Variants in VLDLR observed in about 807,000 individuals in gnomAD.
VLDLR encodes very low-density lipoprotein receptor.
VLDLR carries 81 observed loss-of-function variants against 112.7 expected under a neutral mutation model. The ratio of observed to expected loss-of-function variants is 0.72; its 90% CI spans 0.60 to 0.86. VLDLR has a LOEUF of 0.86. VLDLR is among the 40% of genes least tolerant of loss of function. VLDLR has a pLI of 0.00. For synonymous variants in VLDLR, 436 were observed against 384.8 expected, an observed-to-expected ratio of 1.13 and a Z score of -1.56; for missense variants, 1,237 against 1,099.4, an observed-to-expected ratio of 1.13 and a Z score of -1.77.
chr9:2,626,244 G>A (rs748732900), intron 1 of VLDLR, among the ~76,000 whole-genome samples: 56 of 152,252 alleles, frequency 3.7e-4, no homozygotes, highest in Non-Finnish European at 5.3e-4. Context: ...CATGAAATTC[G>A]TTTATATTTC....
chr9:2,645,106 G>A (rs1207831353), intron 9 of VLDLR, 24 bp downstream of exon 9: 2 of 1,613,946 alleles, frequency 1.2e-6, no homozygotes, highest in East Asian at 4.5e-5. Context: ...GACTGGTATG[G>A]CTGTTGTACC....
rs10967349 is a variant in VLDLR, at chr9:2,654,402, T to C, written c.*534T>C. ...GTATGAATGATATCTTTGACCTCAA[T>C]GGAGGTTTGCAAAGACTGAGTGTTC... On this transcript the variant is annotated 3_prime_UTR_variant, in exon 19 of 19. Coordinates refer to ENST00000382100, the MANE Select transcript of VLDLR (RefSeq NM_003383.5). The C allele has an allele frequency of 6.2e-3, 994 of 161,020 alleles. 8 individuals are homozygous for C. The highest frequency in any genetic ancestry group is 0.023 in the Middle Eastern group (7 of 304). The allele number at this position is 161,020 out of a possible 1,614,324, so 10.0% of individuals were successfully genotyped here. A position where few individuals can be genotyped will look rare whatever the true frequency, so the allele number is the denominator to read the frequency against.
chr9:2,631,953 G>C (rs554770238), intron 1 of VLDLR, among the ~76,000 whole-genome samples: 1 of 152,104 alleles, frequency 6.6e-6, no homozygotes, highest in East Asian at 1.9e-4. Flanking sequence ...AAGGCTCCCA[G>C]GAAAATAGGT....
intron 1 of VLDLR, among the ~76,000 whole-genome samples, chr9:2,626,826 T>G (rs1817112908): frequency 6.6e-6 from 1 of 152,206 alleles, no homozygotes; most frequent in Non-Finnish European, 1.5e-5. Flanking sequence ...TTGTTAGAAC[T>G]TAATAGTTCT....
chr9:2,628,330 T>C (rs573124846), intron 1 of VLDLR, among the ~76,000 whole-genome samples: 1 of 152,232 alleles, frequency 6.6e-6, no homozygotes, highest in African/African-American at 2.4e-5. Flanking sequence ...CTGAGCCCAC[T>C]CCTGGTGAAT....
At chr9:2,639,140 G>A (rs1277281372) in intron 2 of VLDLR, among the ~76,000 whole-genome samples, 3 of 152,218 alleles carry the variant, frequency 2.0e-5, no homozygotes, top group Non-Finnish European at 2.9e-5. Flanking sequence ...GTGGGTGGCT[G>A]AAACAACAGA....
chr9:2,642,039 C>T (rs898928004), intron 4 of VLDLR, among the ~76,000 whole-genome samples: 1 of 151,902 alleles, frequency 6.6e-6, no homozygotes, highest in African/African-American at 2.4e-5. Context: ...AAAGTCTACC[C>T]AACTGGTGAT....
At position 2,622,162 on chromosome 9, in the gene VLDLR, C is replaced by CACCATCCA. The variant is rs765173464; in HGVS notation, c.-28_-27insACCATCCA. ...GCGGAGCGAACGGCGGCGGCGGCGG[C>CACCATCCA]GGCGGCGGCACCATCCAGGCGGGCA... On this transcript the variant is annotated 5_prime_UTR_variant, in exon 1 of 19. Transcript: ENST00000382100. 4.0e-4 allele frequency: 594 copies of CACCATCCA among 1,476,420 alleles called. 3 individuals are homozygous for CACCATCCA. The South Asian group carries it at 4.4e-3, about 11-fold the overall frequency. The allele number at this position is 1,476,420 out of a possible 1,614,324, so 91.5% of individuals were successfully genotyped here.
chr9:2,649,482 C>A (rs1818222851), intron 14 of VLDLR, among the ~76,000 whole-genome samples: 1 of 152,190 alleles, frequency 6.6e-6, no homozygotes, highest in Admixed American at 6.5e-5. Context: ...ACCTCCGCCT[C>A]CTGTGTTCAA....
chr9:2,641,300 G>A (rs951500351), intron 3 of VLDLR, 77 bp from the exon 4 acceptor site: 122 of 1,607,324 alleles, frequency 7.6e-5, no homozygotes, highest in Middle Eastern at 3.3e-4. Context: ...AGGTATTAGC[G>A]CTTCCAGGCA....
Position 2,659,539 on chromosome 9 carries a change from G to C in VLDLR, c.*5671G>C, listed in dbSNP as rs993493798. 6.6e-6 allele frequency: 1 copy of C among 152,228 alleles called. No individual in the cohort carries two copies. Among genetic ancestry groups the C allele is most frequent in the Non-Finnish European group, 1.5e-5 (1 of 68,026 alleles). 9.4% of individuals were successfully genotyped at this position (152,228 alleles called of 1,614,324 possible). The stretch of plus-strand genomic sequence containing the variant: ...TAGATTGTTGGATTGCAAAGAAAAT[G>C]ATAAAGATTCCCTAAAGGAATTTAT... On this transcript the variant is annotated 3_prime_UTR_variant, in exon 19 of 19. Coordinates refer to ENST00000382100, the MANE Select transcript of VLDLR (RefSeq NM_003383.5).
rs1320778651 is a variant in VLDLR at position 2,635,536 on chromosome 9, G to C, written c.166G>C (p.Glu56Gln). Residue 56 changes from glutamate (E) to glutamine (Q), a missense_variant, in exon 2 of 19, where the codon GAA (glutamate) becomes CAA (glutamine). Transcript: ENST00000382100. ...ITLLWKCDGD[E>Q]DCVDGSDEKN... The stretch of plus-strand genomic sequence containing the variant: ...GCTGTTGTGGAAATGTGATGGGGAT[G>C]AAGACTGTGTTGACGGCAGTGATGA... The C allele has an allele frequency of 6.2e-7, 1 of 1,614,174 alleles. No homozygotes were observed. The highest frequency in any genetic ancestry group is 1.1e-5 in the South Asian group (1 of 91,090).
At position 2,653,872 on chromosome 9, in the gene VLDLR, C is replaced by G. The variant is rs755204149; in HGVS notation, c.*4C>G. 4 of 1,613,886 alleles carry G rather than the reference C, an allele frequency of 2.5e-6. No homozygotes were observed. The South Asian group carries it at 4.4e-5, about 18-fold the overall frequency. On this transcript the variant is annotated 3_prime_UTR_variant, in exon 19 of 19. Transcript: ENST00000382100. ...CACAGATGATGATCTAGCTTGACTT[C>G]TGTGACAAATGTTGACCTTTGAGGT... is the stretch of plus-strand genomic sequence containing the variant.
At chr9:2,635,383 T>C in intron 1 of VLDLR, 70 bp from the exon 2 acceptor site, 10 of 1,609,852 alleles carry the variant, frequency 6.2e-6, no homozygotes, top group Non-Finnish European at 8.5e-6. Context: ...AAGGTCCCCA[T>C]CCATGGGTAT....
chr9:2,638,942 G>A (rs1817715232), intron 2 of VLDLR, among the ~76,000 whole-genome samples: 1 of 152,184 alleles, frequency 6.6e-6, no homozygotes, highest in African/African-American at 2.4e-5. Flanking sequence ...AACATCTCTT[G>A]TTACACTGAT....
In VLDLR at chr9:2,643,956, T is replaced by C; in HGVS notation, c.1063T>C (p.Cys355Arg). The change falls in exon 7 of 19, where the codon TGT becomes CGT. Residue 355 changes from cysteine (C) to arginine (R), a missense_variant. By Grantham distance (180) the Cys-to-Arg change is radical. Coordinates refer to ENST00000382100, the MANE Select transcript of VLDLR (RefSeq NM_003383.5). ...RDWSDEPLKE[C>R]HINECLVNNG... ...CTGGAGTGATGAGCCCCTGAAAGAG[T>C]GTCGTAAGTGTACTTGTTGTTCAAG... is the stretch of plus-strand genomic sequence containing the variant. 6.2e-7 allele frequency: 1 copy of C among 1,613,434 alleles called. No homozygotes were observed. Among genetic ancestry groups the C allele is most frequent in the South Asian group, 1.1e-5 (1 of 91,044 alleles).
Position 2,622,077 on chromosome 9 carries a change from C to G in VLDLR, c.-113C>G, listed in dbSNP as rs34433332. On this transcript the variant is annotated 5_prime_UTR_variant, in exon 1 of 19. Coordinates refer to ENST00000382100, the MANE Select transcript of VLDLR (RefSeq NM_003383.5). ...CGCCAACTCCTTCCCCTCCTTCTCC[C>G]CCTTTCCCCTCCCCGCCCCCACCTT... is the stretch of plus-strand genomic sequence containing the variant. The G allele has an allele frequency of 0.016, 16,747 of 1,074,310 alleles. 224 individuals are homozygous for G. The highest frequency in any genetic ancestry group is 0.018 in the Non-Finnish European group (13,942 of 777,966). The allele number at this position is 1,074,310 out of a possible 1,614,324, so 66.5% of individuals were successfully genotyped here.
chr9:2,639,730 C>G, intron 2 of VLDLR, 129 bp from the exon 3 acceptor site: 1 of 1,305,622 alleles, frequency 7.7e-7, no homozygotes. Flanking sequence ...TGGATATTGG[C>G]AGTTGAGTGC....
chr9:2,653,522 G>C (rs570274875), intron 18 of VLDLR, among the ~76,000 whole-genome samples: 2 of 152,126 alleles, frequency 1.3e-5, no homozygotes, highest in Non-Finnish European at 2.9e-5. Flanking sequence ...TCAAACTCCG[G>C]TGAAACATGG....
Sources: gnomAD v4.1 joint callset for allele counts (sites outside exome capture counted in the v4.1 genomes callset) on GRCh38, gnomAD v4.1.1 for gene constraint, MANE v1.5 for transcripts, NCBI Gene and HGNC (gene_info 2026-07-23, HGNC 2026-07-21) for gene names.